IMMP2L: variants seen among roughly 807,000 people sequenced by gnomAD.
The protein encoded by IMMP2L is inner mitochondrial membrane peptidase subunit 2.
In IMMP2L, 18 loss-of-function variants were observed where a neutral mutation model predicts 19.3. That is an observed-to-expected ratio of 0.93 (90% confidence interval 0.64 to 1.38). The LOEUF (loss-of-function observed/expected upper bound fraction) is 1.38. Ranked by LOEUF, IMMP2L falls within the 40% of genes most tolerant of loss-of-function variation. IMMP2L has a pLI of 0.00. For missense variants in IMMP2L, 233 were observed against 218.2 expected (o/e 1.07, Z -0.43); for synonymous variants, 76 against 73.0 (o/e 1.04, Z -0.21).
intron 3 of IMMP2L, among the ~76,000 whole-genome samples, chr7:111,395,241 A>G (rs1162567696): frequency 6.6e-6 from 1 of 152,100 alleles, no homozygotes; most frequent in Non-Finnish European, 1.5e-5. Context: ...TTTTCTTTCA[A>G]CCAAAAGTAT....
chr7:111,130,627 T>C (rs139054561), intron 3 of IMMP2L, among the ~76,000 whole-genome samples: 6 of 152,176 alleles, frequency 3.9e-5, no homozygotes, highest in African/African-American at 9.6e-5. Flanking sequence ...AATCCTCACA[T>C]TGAGAGAATC....
intron 3 of IMMP2L, among the ~76,000 whole-genome samples, chr7:111,234,791 T>C (rs532101636): frequency 6.6e-5 from 10 of 152,226 alleles, no homozygotes; most frequent in African/African-American, 2.4e-4. Context: ...TGTCTTCAGG[T>C]AATATTATAC....
intron 3 of IMMP2L, among the ~76,000 whole-genome samples, chr7:111,046,317 A>G (rs1343179052): frequency 6.6e-6 from 1 of 152,110 alleles, no homozygotes; most frequent in Admixed American, 6.6e-5. Context: ...AAGATAATGC[A>G]ATTAAAAAAA....
At chr7:110,923,221 TTAA>T (rs1814495434) in intron 4 of IMMP2L, among the ~76,000 whole-genome samples, 1 of 152,188 alleles carries the variant, frequency 6.6e-6, no homozygotes, top group South Asian at 2.1e-4. Flanking sequence ...ACTATTATTA[TTAA>T]TGTCCTTCTT....
intron 5 of IMMP2L, among the ~76,000 whole-genome samples, chr7:110,872,378 A>C (rs1234676876): frequency 6.6e-6 from 1 of 152,100 alleles, no homozygotes; most frequent in Non-Finnish European, 1.5e-5. Context: ...GCTAGATATC[A>C]CTTCTAAGAA....
rs112319332 is a variant in IMMP2L at position 110,794,617 on chromosome 7, C to T, written c.408+91976G>A. ...AAACCAATAAGACAAAACATCATCA[C>T]AAAACAAAATCCCCAGCCTCCTAGG... On this transcript the variant is annotated intron_variant, in intron 5 of 5. Transcript: ENST00000405709. Among the ~76,000 whole-genome samples, 911 of 152,140 alleles carry T rather than the reference C, an allele frequency of 6.0e-3. 7 individuals carry two copies. The highest frequency in any genetic ancestry group is 0.021 in the African/African-American group (854 of 41,558).
At chr7:111,016,303 C>T (rs1825519099) in intron 3 of IMMP2L, among the ~76,000 whole-genome samples, 1 of 145,554 alleles carries the variant, frequency 6.9e-6, no homozygotes, top group Admixed American at 7.0e-5. Context: ...TCTTCCTTCC[C>T]TGTCAAACTT....
intron 3 of IMMP2L, among the ~76,000 whole-genome samples, chr7:111,405,118 T>A (rs1176481837): frequency 6.6e-6 from 1 of 152,140 alleles, no homozygotes; most frequent in Non-Finnish European, 1.5e-5. Flanking sequence ...TTACCGACTA[T>A]GGTTTAGTGA....
At chr7:110,673,041 C>A (rs1045280822) in intron 5 of IMMP2L, among the ~76,000 whole-genome samples, 8 of 152,260 alleles carry the variant, frequency 5.3e-5, no homozygotes, top group Non-Finnish European at 1.2e-4. Flanking sequence ...CCCTTCCACA[C>A]TGCCCTAGCA....
intron 3 of IMMP2L, among the ~76,000 whole-genome samples, chr7:111,210,370 G>A (rs953565484): frequency 2.6e-5 from 4 of 152,050 alleles, no homozygotes; most frequent in African/African-American, 7.2e-5. Flanking sequence ...TTTATTTCAC[G>A]TGTAAACTTA....
intron 3 of IMMP2L, among the ~76,000 whole-genome samples, chr7:111,416,228 T>C (rs1418536364): frequency 6.6e-6 from 1 of 151,886 alleles, no homozygotes; most frequent in African/African-American, 2.4e-5. Flanking sequence ...AAAGGTCACC[T>C]GTTCACTGCA....
chr7:110,983,834 T>C (rs1213086693), intron 3 of IMMP2L, among the ~76,000 whole-genome samples: 6 of 152,002 alleles, frequency 3.9e-5, no homozygotes, highest in Admixed American at 1.3e-4. Context: ...CCTCCATTGC[T>C]ATTTATTTAG....
intron 3 of IMMP2L, among the ~76,000 whole-genome samples, chr7:111,435,402 G>A (rs1457574560): frequency 1.3e-5 from 2 of 151,806 alleles, no homozygotes; most frequent in East Asian, 1.9e-4. Context: ...AGAACTGGAG[G>A]CCATTACCTT....
At chr7:111,026,839 T>C (rs1175278754) in intron 3 of IMMP2L, among the ~76,000 whole-genome samples, 1 of 152,154 alleles carries the variant, frequency 6.6e-6, no homozygotes, top group African/African-American at 2.4e-5. Flanking sequence ...TTGTATACAG[T>C]TGTAGTGTAA....
chr7:111,102,750 C>T (rs1419644353), intron 3 of IMMP2L, among the ~76,000 whole-genome samples: 2 of 151,498 alleles, frequency 1.3e-5, no homozygotes, highest in Admixed American at 6.6e-5. Flanking sequence ...ACTTCCACTA[C>T]TCTGGGACAT....
chr7:111,550,911 T>C (rs939158817), intron 1 of IMMP2L, among the ~76,000 whole-genome samples: 1 of 152,108 alleles, frequency 6.6e-6, no homozygotes, highest in African/African-American at 2.4e-5. Context: ...AGCAAAGAAC[T>C]GCTAAAGAGG....
chr7:111,105,509 C>T (rs960974948), intron 3 of IMMP2L, among the ~76,000 whole-genome samples: 1 of 151,866 alleles, frequency 6.6e-6, no homozygotes, highest in Admixed American at 6.6e-5. Flanking sequence ...ATCTGGTTTG[C>T]TCCCTTATTC....
intron 3 of IMMP2L, among the ~76,000 whole-genome samples, chr7:111,130,175 T>C (rs554162488): frequency 5.6e-4 from 85 of 152,270 alleles, no homozygotes; most frequent in African/African-American, 2.0e-3. Flanking sequence ...ATAGAGCATA[T>C]ACCAACGAAG....
chr7:111,357,401 G>A (rs1046322912), intron 3 of IMMP2L, among the ~76,000 whole-genome samples: 2 of 152,040 alleles, frequency 1.3e-5, no homozygotes, highest in African/African-American at 2.4e-5. Context: ...CAACTATAAA[G>A]TAGAATTAAC....
Sources: allele counts gnomAD v4.1 joint callset (sites outside exome capture counted in the v4.1 genomes callset), GRCh38; gene constraint gnomAD v4.1.1; transcripts MANE v1.5; gene names NCBI Gene and HGNC (gene_info 2026-07-23, HGNC 2026-07-21).